Variants in CAMSAP2 observed in about 807,000 individuals in gnomAD.
The protein encoded by CAMSAP2 is calmodulin-regulated spectrin-associated protein 2.
CAMSAP2 carries 26 observed loss-of-function variants against 146.1 expected under a neutral mutation model. That is an observed-to-expected ratio of 0.18 (90% CI 0.13 to 0.25). The LOEUF (loss-of-function observed/expected upper bound fraction) is 0.25. Among genes scored for constraint, CAMSAP2 ranks in the 10% least tolerant of loss-of-function variants. The pLI, the probability that CAMSAP2 is intolerant of heterozygous loss-of-function variation, is 1.00. For synonymous variants in CAMSAP2, 499 were observed against 596.6 expected (o/e 0.84, Z 2.38); for missense variants, 1,381 against 1,759.3 (o/e 0.78, Z 3.85).
intron 4 of CAMSAP2, among the ~76,000 whole-genome samples, chr1:200,824,125 C>G (rs1231953359): frequency 6.6e-6 from 1 of 152,054 alleles, no homozygotes; most frequent in African/African-American, 2.4e-5. Flanking sequence ...TTTCCTTGAC[C>G]TAAAATTAGC....
chr1:200,788,840 C>T (rs7526001), intron 2 of CAMSAP2, among the ~76,000 whole-genome samples: 20,144 of 149,716 alleles, frequency 0.13, 1,404 homozygotes, highest in East Asian at 0.17. Flanking sequence ...TTAGTAGAGA[C>T]GGAGTTTCAC....
chr1:200,847,123 G>T, intron 8 of CAMSAP2, 87 bp from the exon 9 acceptor site: 1 of 866,902 alleles, frequency 1.2e-6, no homozygotes, highest in Non-Finnish European at 1.8e-6. Context: ...ATGAGAGGTG[G>T]TAGTGTTGTT....
In CAMSAP2 at chr1:200,761,014, G is replaced by A; in HGVS notation, c.315G>A (p.Gln105=). 6.2e-7 allele frequency: 1 copy of A among 1,614,044 alleles called. No individual in the cohort carries two copies. Among genetic ancestry groups the A allele is most frequent in the African/African-American group, 1.3e-5 (1 of 74,988 alleles). ...TTTTGGGCCATGATGCTGTAATCCA[G>A]GCTTTAGCACAGAAAGGTCTTTATG... is the stretch of plus-strand genomic sequence containing the variant. ...KPLLGHDAVI[Q]ALAQKGLYVT... The change falls in exon 2 of 17, where the codon CAG becomes CAA. Residue 105 remains glutamine (Q), a synonymous_variant. Transcript: ENST00000358823.
chr1:200,775,774 A>AC lies in CAMSAP2; in HGVS notation c.399+14682dup, dbSNP rs762561187. On this transcript the variant is annotated intron_variant, in intron 2 of 16. Transcript: ENST00000358823. ...TCGAACTCCTGACCTCAGGTGATCCACCCCCCTCGGCCTCCCAAAGTGCTG... is the reference window on the plus strand; with the variant it reads ...TCGAACTCCTGACCTCAGGTGATCCACCCCCCCTCGGCCTCCCAAAGTGCTG... Among the ~76,000 whole-genome samples, 98 of 151,818 alleles carry AC rather than the reference A, an allele frequency of 6.5e-4. 1 individual carries two copies. Among genetic ancestry groups the AC allele is most frequent in the African/African-American group, 2.0e-3 (82 of 41,378 alleles).
chr1:200,832,768 G>A lies in CAMSAP2; in HGVS notation c.850G>A (p.Glu284Lys). The A allele has an allele frequency of 6.2e-7, 1 of 1,611,258 alleles. No homozygotes were observed. The highest frequency in any genetic ancestry group is 2.2e-5 in the East Asian group (1 of 44,650). The change falls in exon 6 of 17, where the codon GAA (glutamate) becomes AAA (lysine). Residue 284 changes from glutamate to lysine, a missense_variant. Physicochemically the swap from Glu to Lys is moderately conservative, Grantham distance 56. This residue lies in a region of CAMSAP2 where 284 missense variants were observed against 406.9 expected (regional missense o/e 0.70). Transcript: ENST00000358823. This position sits in a 1 kb window ranked among gnomAD's most constrained non-coding sequence, Gnocchi z 4.2. ...DSLYNLQLIQ[E>K]FCQEYLNQCC... The stretch of plus-strand genomic sequence containing the variant: ...CCTGTATAATCTGCAGCTGATTCAA[G>A]AATTTTGCCAAGAATACTTGAACCA...
chr1:200,805,976 T>C (rs1459147631), intron 2 of CAMSAP2, among the ~76,000 whole-genome samples: 1 of 152,168 alleles, frequency 6.6e-6, no homozygotes, highest in East Asian at 1.9e-4. Flanking sequence ...CAAAAGTAAA[T>C]TCCAGATGGA....
At chr1:200,771,245 G>A (rs986226754) in intron 2 of CAMSAP2, among the ~76,000 whole-genome samples, 4 of 151,568 alleles carry the variant, frequency 2.6e-5, no homozygotes, top group South Asian at 2.1e-4. Context: ...AGTGACCACC[G>A]ACAGGAAGAT....
Position 200,849,291 on chromosome 1 carries a change from T to G in CAMSAP2, c.2522T>G (p.Met841Arg). Residue 841 changes from methionine (M) to arginine (R), a missense_variant, in exon 11 of 17, where the codon ATG (methionine) becomes AGG (arginine). Coordinates refer to ENST00000358823, the MANE Select transcript of CAMSAP2 (RefSeq NM_203459.4). The surrounding 1 kb of genome is among the most constrained non-coding windows in gnomAD (Gnocchi z 6.3). ...TCACTGGCAGATATAAAAGAGAGCATGGAGAATCCTCAAGCCAAATGGCTA... is the reference window on the plus strand; with the variant it reads ...TCACTGGCAGATATAAAAGAGAGCAGGGAGAATCCTCAAGCCAAATGGCTA... ...SKSLADIKES[M>R]ENPQAKWLKS... is the part of the protein sequence containing the mutation. 1 of 1,613,978 alleles carries G rather than the reference T, an allele frequency of 6.2e-7. No individual in the cohort carries two copies. Among genetic ancestry groups the G allele is most frequent in the Non-Finnish European group, 8.5e-7 (1 of 1,180,014 alleles).
chr1:200,756,214 A>G (rs1664644387), intron 1 of CAMSAP2, among the ~76,000 whole-genome samples: 2 of 152,188 alleles, frequency 1.3e-5, no homozygotes, highest in Non-Finnish European at 2.9e-5. Flanking sequence ...GCACTTTGGG[A>G]GGCCAAGGCG....
rs1477786057 is a variant in CAMSAP2, at chr1:200,760,823, C to T, written c.140-16C>T. The T allele has an allele frequency of 3.9e-6, 6 of 1,525,902 alleles. No homozygotes were observed. The Admixed American group carries it at 5.7e-5, about 15-fold the overall frequency. The allele number at this position is 1,525,902 out of a possible 1,614,324, so 94.5% of individuals were successfully genotyped here. ...TAAAAATCTTGTAAGAGAATTTTTT[C>T]CATTAATCTTTATAGAAAATGTGCC... is the stretch of plus-strand genomic sequence containing the variant. On this transcript the variant is annotated splice_polypyrimidine_tract_variant and intron_variant, in intron 1 of 16. Transcript: ENST00000358823.
intron 10 of CAMSAP2, 109 bp from the exon 11 acceptor site, chr1:200,847,923 T>G (rs1667504184): frequency 3.4e-6 from 3 of 894,856 alleles, no homozygotes; most frequent in Non-Finnish European, 5.0e-6. Context: ...AGTATGATTA[T>G]GAGAACTGGG....
intron 1 of CAMSAP2, among the ~76,000 whole-genome samples, chr1:200,754,638 A>G (rs1225887589): frequency 1.6e-5 from 2 of 125,718 alleles, no homozygotes; most frequent in Non-Finnish European, 3.1e-5. Context: ...GCTGGAGTGC[A>G]GTGGCCCGAC....
At chr1:200,853,000 T>TACGCAC (rs542175311) in intron 12 of CAMSAP2, among the ~76,000 whole-genome samples, 5 of 147,592 alleles carry the variant, frequency 3.4e-5, no homozygotes, top group South Asian at 2.3e-4. Context: ...TCCTGGGAGA[T>TACGCAC]ACACACACAC....
chr1:200,857,496 C>G lies in CAMSAP2; in HGVS notation c.4131+72C>G. The G allele has an allele frequency of 2.0e-6, 2 of 1,025,564 alleles. No homozygotes were observed. Among genetic ancestry groups the G allele is most frequent in the Middle Eastern group, 2.1e-4 (1 of 4,846 alleles). The allele number at this position is 1,025,564 out of a possible 1,614,324, so 63.5% of individuals were successfully genotyped here. A position where few individuals can be genotyped will look rare whatever the true frequency, so the allele number is the denominator to read the frequency against. ...TTTTATCCATTCAAGAGAATGTACT[C>G]TCATGGGCCTAGACTTTCAACAGCA... On this transcript the variant is annotated intron_variant, in intron 16 of 16. Transcript: ENST00000358823. The surrounding 1 kb of genome is among the most constrained non-coding windows in gnomAD (Gnocchi z 4.7).
chr1:200,791,048 T>C (rs1665738243), intron 2 of CAMSAP2, among the ~76,000 whole-genome samples: 1 of 152,192 alleles, frequency 6.6e-6, no homozygotes, highest in South Asian at 2.1e-4. Flanking sequence ...TTTCACCATG[T>C]TGGTCAGGCT....
chr1:200,782,101 A>G (rs1665450100), intron 2 of CAMSAP2, among the ~76,000 whole-genome samples: 1 of 152,222 alleles, frequency 6.6e-6, no homozygotes, highest in African/African-American at 2.4e-5. Context: ...TCTGATGGCC[A>G]TACAGTGACT....
chr1:200,757,881 G>A (rs1011989588), intron 1 of CAMSAP2, among the ~76,000 whole-genome samples: 1 of 152,090 alleles, frequency 6.6e-6, no homozygotes, highest in African/African-American at 2.4e-5. Context: ...CACAACTTAG[G>A]TTAGTGGATA....
chr1:200,794,637 C>T (rs181077698), intron 2 of CAMSAP2, among the ~76,000 whole-genome samples: 250 of 152,312 alleles, frequency 1.6e-3, no homozygotes, highest in African/African-American at 5.6e-3. Flanking sequence ...CCCAGAGGTA[C>T]GCATTCCCAG....
chr1:200,741,747 C>T (rs908235448), intron 1 of CAMSAP2, among the ~76,000 whole-genome samples: 2 of 151,886 alleles, frequency 1.3e-5, no homozygotes, highest in African/African-American at 4.8e-5. Context: ...ATTGAACACA[C>T]CTGAAGAAGA....
Sources: allele counts gnomAD v4.1 joint callset (sites outside exome capture counted in the v4.1 genomes callset), GRCh38; gene constraint gnomAD v4.1.1; regional missense constraint gnomAD v4.1.1; non-coding constraint Gnocchi (gnomAD v3.1); transcripts MANE v1.5; gene names NCBI Gene and HGNC (gene_info 2026-07-23, HGNC 2026-07-21).